The following CLVS1 variants were observed in gnomAD, a reference collection of about 807,000 sequenced individuals.
The protein encoded by CLVS1 is clavesin-1.
Under a neutral mutation model 33.1 loss-of-function variants are expected in CLVS1, and 10 were observed. That is an observed-to-expected ratio of 0.30 (90% CI 0.19 to 0.51). The LOEUF (loss-of-function observed/expected upper bound fraction) is 0.51. Among genes scored for constraint, CLVS1 ranks in the 20% least tolerant of loss-of-function variants. CLVS1 has a pLI of 0.97. For synonymous variants in CLVS1, 163 were observed against 166.1 expected (o/e 0.98, Z 0.14); for missense variants, 343 against 433.4 (o/e 0.79, Z 1.85).
At chr8:60,991,343 ATTG>A in the CLVS1 span, among the ~76,000 whole-genome samples, 1 of 152,190 alleles carries the variant, frequency 6.6e-6, no homozygotes, top group Non-Finnish European at 1.5e-5. Flanking sequence ...AAACTGAAAA[ATTG>A]TTATCTATTT....
intron 3 of CLVS1, among the ~76,000 whole-genome samples, chr8:61,444,933 G>A (rs1277796763): frequency 6.6e-6 from 1 of 152,142 alleles, no homozygotes; most frequent in Non-Finnish European, 1.5e-5. Flanking sequence ...TGGAAGTATG[G>A]GTGCTAGATT....
At chr8:61,450,974 T>C (rs1239143091) in intron 3 of CLVS1, among the ~76,000 whole-genome samples, 1 of 152,184 alleles carries the variant, frequency 6.6e-6, no homozygotes, top group East Asian at 1.9e-4. Context: ...AGCTTAGGTA[T>C]GATTCTTCCA....
At chr8:61,240,894 G>GTTTTTTTTTTTTTTTTTTTTTTTTTT (rs549955338) in intron 2 of CLVS1, among the ~76,000 whole-genome samples, 3 of 130,616 alleles carry the variant, frequency 2.3e-5, no homozygotes, top group African/African-American at 6.4e-5. Context: ...TTTGCTGTAG[G>GTTTTTTTTTTTTTTTTTTTTTTTTTT]TTTTTTTTTT....
intron 2 of CLVS1, among the ~76,000 whole-genome samples, chr8:61,220,170 C>T (rs2129309412): frequency 6.6e-6 from 1 of 152,198 alleles, no homozygotes. Flanking sequence ...TAATTAGATC[C>T]CATTTGTCAA....
At chr8:61,234,842 A>AT (rs1439482570) in intron 2 of CLVS1, among the ~76,000 whole-genome samples, 1 of 152,120 alleles carries the variant, frequency 6.6e-6, no homozygotes, top group African/African-American at 2.4e-5. Context: ...TGGTGTAATT[A>AT]TGCTGGTTTT....
chr8:61,044,109 A>G, the CLVS1 span, among the ~76,000 whole-genome samples: 1 of 152,140 alleles, frequency 6.6e-6, no homozygotes, highest in Admixed American at 6.5e-5. Flanking sequence ...AATTCCTTAT[A>G]TTACAGGTAT....
chr8:61,215,097 T>TCCAAC (rs1212602983), intron 2 of CLVS1, among the ~76,000 whole-genome samples: 11 of 152,158 alleles, frequency 7.2e-5, no homozygotes, highest in Admixed American at 2.0e-4. Context: ...ATAGCCCCAT[T>TCCAAC]CCAACCCTAA....
intron 1 of CLVS1, among the ~76,000 whole-genome samples, chr8:61,106,290 A>G (rs748091699): frequency 2.0e-5 from 3 of 152,230 alleles, no homozygotes; most frequent in Non-Finnish European, 4.4e-5. Flanking sequence ...ACAAAACAAC[A>G]CACAAGCACA....
At chr8:61,290,888 C>T (rs1809964733) in intron 1 of CLVS1, among the ~76,000 whole-genome samples, 1 of 152,144 alleles carries the variant, frequency 6.6e-6, no homozygotes, top group Admixed American at 6.5e-5. Context: ...TAATTTTATC[C>T]AGATATCACT....
At chr8:61,116,509 A>C (rs1349894638) in intron 1 of CLVS1, among the ~76,000 whole-genome samples, 1 of 152,212 alleles carries the variant, frequency 6.6e-6, no homozygotes, top group Non-Finnish European at 1.5e-5. Flanking sequence ...TTTAGGTCTA[A>C]CATTTAAGTC....
intron 3 of CLVS1, among the ~76,000 whole-genome samples, chr8:61,429,146 G>A (rs1254696726): frequency 1.3e-5 from 2 of 152,132 alleles, no homozygotes; most frequent in Non-Finnish European, 2.9e-5. Context: ...CTGCAGCTGG[G>A]TGCGGTGGCT....
At chr8:61,125,790 G>T (rs891679597) in intron 1 of CLVS1, among the ~76,000 whole-genome samples, 5 of 152,184 alleles carry the variant, frequency 3.3e-5, no homozygotes, top group Non-Finnish European at 7.3e-5. Context: ...ATACCAGAGA[G>T]ATTAATAGGA....
At chr8:61,498,465 CATG>C (rs891814492) in intron 5 of CLVS1, among the ~76,000 whole-genome samples, 1 of 152,192 alleles carries the variant, frequency 6.6e-6, no homozygotes, top group Non-Finnish European at 1.5e-5. Context: ...TAACCATTTT[CATG>C]ATAATTTGTT....
intron 2 of CLVS1, among the ~76,000 whole-genome samples, chr8:61,361,545 G>A (rs922037556): frequency 6.6e-6 from 1 of 152,184 alleles, no homozygotes; most frequent in African/African-American, 2.4e-5. Flanking sequence ...TGCAGAGAAA[G>A]CTCATTAGGT....
At chr8:61,112,892 G>A (rs1251823673) in intron 1 of CLVS1, among the ~76,000 whole-genome samples, 1 of 152,174 alleles carries the variant, frequency 6.6e-6, no homozygotes, top group Non-Finnish European at 1.5e-5. Context: ...AAATGAATCA[G>A]CTATTTTTGC....
intron 2 of CLVS1, among the ~76,000 whole-genome samples, chr8:61,205,265 A>G (rs1807815794): frequency 6.6e-6 from 1 of 152,072 alleles, no homozygotes; most frequent in African/African-American, 2.4e-5. Flanking sequence ...CATCTTTCCA[A>G]ATTGACATTC....
chr8:61,092,591 C>T (rs778572170), intron 1 of CLVS1, among the ~76,000 whole-genome samples: 1 of 152,176 alleles, frequency 6.6e-6, no homozygotes, highest in Non-Finnish European at 1.5e-5. Flanking sequence ...CCTTTTCCAG[C>T]CTTGAGAGGT....
intron 2 of CLVS1, among the ~76,000 whole-genome samples, chr8:61,318,231 T>C (rs935093286): frequency 6.6e-6 from 1 of 152,234 alleles, no homozygotes; most frequent in Non-Finnish European, 1.5e-5. Flanking sequence ...TTTTTCTCTC[T>C]AGTGGCTTTA....
chr8:61,231,630 T>C (rs1456551215), intron 2 of CLVS1, among the ~76,000 whole-genome samples: 1 of 152,304 alleles, frequency 6.6e-6, no homozygotes, highest in East Asian at 1.9e-4. Flanking sequence ...TTATTTAAGA[T>C]ATTATGGATG....
Sources: gnomAD v4.1 joint callset for allele counts (sites outside exome capture counted in the v4.1 genomes callset) on GRCh38, gnomAD v4.1.1 for gene constraint, MANE v1.5 for transcripts, NCBI Gene and HGNC (gene_info 2026-07-23, HGNC 2026-07-21) for gene names.